SREK1IP1: variants seen among roughly 807,000 people sequenced by gnomAD.
The protein encoded by SREK1IP1 is SREK1 interacting protein 1, also known as protein SREK1IP1.
In SREK1IP1, 12 loss-of-function variants were observed where a neutral mutation model predicts 22.8. The observed-to-expected ratio is 0.53, with a 90% CI of 0.34 to 0.85. SREK1IP1 has a LOEUF of 0.85. Among genes scored for constraint, SREK1IP1 ranks in the 40% least tolerant of loss-of-function variants. The probability of loss-of-function intolerance (pLI) is 0.02; values close to 1 mark genes in which losing one functional copy is unlikely to be tolerated. For synonymous variants in SREK1IP1, 53 were observed against 52.7 expected, an observed-to-expected ratio of 1.01 and a Z score of -0.02; for missense variants, 147 against 171.8, an observed-to-expected ratio of 0.86 and a Z score of 0.81.
intron 2 of SREK1IP1, among the ~76,000 whole-genome samples, chr5:64,743,496 A>G (rs1314495449): frequency 6.6e-6 from 1 of 152,196 alleles, no homozygotes; most frequent in Non-Finnish European, 1.5e-5. Context: ...AAAGGGTTCT[A>G]TATCTGTTTG....
chr5:64,735,707 G>A (rs943892724), intron 3 of SREK1IP1, among the ~76,000 whole-genome samples: 16 of 151,862 alleles, frequency 1.1e-4, no homozygotes, highest in African/African-American at 3.1e-4. Flanking sequence ...TAGTGTTATC[G>A]ATTCTCTCAT....
At chr5:64,755,387 A>C (rs1742821222) in intron 1 of SREK1IP1, among the ~76,000 whole-genome samples, 1 of 152,210 alleles carries the variant, frequency 6.6e-6, no homozygotes, top group African/African-American at 2.4e-5. Context: ...ATAAAAAAGA[A>C]CGAAATTACA....
chr5:64,752,144 G>GGTTTTT (rs1554065460), intron 2 of SREK1IP1, among the ~76,000 whole-genome samples: 2 of 85,446 alleles, frequency 2.3e-5, no homozygotes, highest in Admixed American at 1.3e-4. Flanking sequence ...TTTTTTTTGT[G>GGTTTTT]TGTTTTTTTT....
At chr5:64,728,989 G>C (rs1205786439) in intron 3 of SREK1IP1, among the ~76,000 whole-genome samples, 14 of 152,020 alleles carry the variant, frequency 9.2e-5, no homozygotes. Flanking sequence ...TCAGAAATTC[G>C]AGACTAGGCT....
In SREK1IP1 at chr5:64,763,203, C is replaced by T. The variant is rs113747999; in HGVS notation, c.13+5302G>A. Among the ~76,000 whole-genome samples, 1,293 of 152,200 alleles carry T rather than the reference C, an allele frequency of 8.5e-3. 11 individuals are homozygous for T. Among genetic ancestry groups the T allele is most frequent in the Non-Finnish European group, 0.014 (929 of 68,012 alleles). ...TGTATAAAACTCTTTAGTCTACATG[C>T]CTCACAAAGTACAATTAATCCGTGA... On this transcript the variant is annotated intron_variant, in intron 1 of 4. Coordinates refer to ENST00000513458, the MANE Select transcript of SREK1IP1 (RefSeq NM_173829.4).
rs564638327 is a variant in SREK1IP1 at position 64,740,497 on chromosome 5, G to C, written c.205+560C>G. ...TAAAGAAACTTCTTATGTTAATATT[G>C]ATCACAGTGGGTTATGAAGTAGAAA... is the stretch of plus-strand genomic sequence containing the variant. On this transcript the variant is annotated intron_variant, in intron 3 of 4. Coordinates refer to ENST00000513458, the MANE Select transcript of SREK1IP1 (RefSeq NM_173829.4). Among the ~76,000 whole-genome samples the C allele has an allele frequency of 5.9e-5, 9 of 152,160 alleles. No individual in the cohort carries two copies. The East Asian group carries it at 1.2e-3, about 20-fold the overall frequency.
chr5:64,735,035 T>G (rs1341101657), intron 3 of SREK1IP1, among the ~76,000 whole-genome samples: 1 of 152,088 alleles, frequency 6.6e-6, no homozygotes, highest in Non-Finnish European at 1.5e-5. Context: ...TGATGTAACA[T>G]TTTGGTTTTT....
chr5:64,758,793 G>GA (rs1186622148), intron 1 of SREK1IP1, among the ~76,000 whole-genome samples: 2 of 152,196 alleles, frequency 1.3e-5, no homozygotes, highest in Non-Finnish European at 2.9e-5. Context: ...AACAAACTAT[G>GA]AAACTTTTTC....
intron 2 of SREK1IP1, among the ~76,000 whole-genome samples, chr5:64,746,157 C>T (rs936031710): frequency 1.3e-5 from 2 of 152,152 alleles, no homozygotes; most frequent in African/African-American, 4.8e-5. Context: ...ACAGAGACAA[C>T]TTTTCCACAT....
In SREK1IP1 at chr5:64,720,115, T is replaced by G. The variant is rs1232730625; in HGVS notation, c.*4269A>C. ...GGGGCCTTATTAAATTACAGCACATTTTGTACACTGAAAAATATTCTAAAT... is the reference window on the plus strand; with the variant it reads ...GGGGCCTTATTAAATTACAGCACATGTTGTACACTGAAAAATATTCTAAAT... On this transcript the variant is annotated 3_prime_UTR_variant, in exon 5 of 5. Transcript: ENST00000513458. 1 of 152,210 alleles carries G rather than the reference T, an allele frequency of 6.6e-6. No homozygotes were observed. The highest frequency in any genetic ancestry group is 6.5e-5 in the Admixed American group (1 of 15,274). The allele number at this position is 152,210 out of a possible 1,614,324, so 9.4% of individuals were successfully genotyped here. A position where few individuals can be genotyped will look rare whatever the true frequency, so the allele number is the denominator to read the frequency against.
intron 3 of SREK1IP1, among the ~76,000 whole-genome samples, chr5:64,737,776 ATATAAC>A (rs1742490643): frequency 6.6e-6 from 1 of 152,258 alleles, no homozygotes; most frequent in Middle Eastern, 3.4e-3. Context: ...TTATATAAAT[ATATAAC>A]TATATAAGAG....
intron 1 of SREK1IP1, among the ~76,000 whole-genome samples, chr5:64,756,079 A>G (rs908759180): frequency 4.6e-5 from 7 of 152,202 alleles, no homozygotes; most frequent in African/African-American, 1.7e-4. Context: ...GTAATCCTGT[A>G]TAATTAGTAG....
intron 1 of SREK1IP1, among the ~76,000 whole-genome samples, chr5:64,756,672 C>A (rs1330590673): frequency 2.6e-5 from 4 of 151,840 alleles, no homozygotes; most frequent in Non-Finnish European, 4.4e-5. Context: ...GTCACCCATG[C>A]TGGAGTGCAG....
At chr5:64,763,801 G>A (rs945403163) in intron 1 of SREK1IP1, among the ~76,000 whole-genome samples, 1 of 152,180 alleles carries the variant, frequency 6.6e-6, no homozygotes, top group East Asian at 1.9e-4. Context: ...TTCTGGCTTT[G>A]CTGGGCCACA....
chr5:64,728,548 T>C (rs1447377265), intron 3 of SREK1IP1, among the ~76,000 whole-genome samples: 2 of 152,210 alleles, frequency 1.3e-5, no homozygotes, highest in South Asian at 4.1e-4. Flanking sequence ...TCATGCAATA[T>C]GTATTATTCT....
rs1341083243 is a variant in SREK1IP1, at chr5:64,723,338, A to T, written c.*1046T>A. ...CTCTTGAGTTTGCCACTAAAGTAAAAGAGAGAAACATCCCAAACTGGTCAT... is the reference window on the plus strand; with the variant it reads ...CTCTTGAGTTTGCCACTAAAGTAAATGAGAGAAACATCCCAAACTGGTCAT... On this transcript the variant is annotated 3_prime_UTR_variant, in exon 5 of 5. Transcript: ENST00000513458. The T allele has an allele frequency of 6.6e-6, 1 of 151,996 alleles. No individual in the cohort carries two copies. The highest frequency in any genetic ancestry group is 2.4e-5 in the African/African-American group (1 of 41,236). 9.4% of individuals were successfully genotyped at this position (151,996 alleles called of 1,614,324 possible). A position where few individuals can be genotyped will look rare whatever the true frequency, so the allele number is the denominator to read the frequency against.
chr5:64,758,021 C>T (rs188741528), intron 1 of SREK1IP1, among the ~76,000 whole-genome samples: 3 of 151,042 alleles, frequency 2.0e-5, no homozygotes, highest in East Asian at 1.9e-4. Context: ...TACAGGCGCC[C>T]GCCACCACGC....
chr5:64,766,384 C>A (rs1424984639), intron 1 of SREK1IP1, among the ~76,000 whole-genome samples: 1 of 152,044 alleles, frequency 6.6e-6, no homozygotes, highest in Non-Finnish European at 1.5e-5. Context: ...TTTTACCTAC[C>A]CACACTGAAT....
At chr5:64,738,646 T>A (rs75586163) in intron 3 of SREK1IP1, among the ~76,000 whole-genome samples, 1 of 152,018 alleles carries the variant, frequency 6.6e-6, no homozygotes, top group African/African-American at 2.4e-5. Context: ...CATAGACCAA[T>A]GTAACAGAAT....
Sources: gnomAD v4.1 joint callset for allele counts (sites outside exome capture counted in the v4.1 genomes callset) on GRCh38, gnomAD v4.1.1 for gene constraint, MANE v1.5 for transcripts, NCBI Gene and HGNC (gene_info 2026-07-23, HGNC 2026-07-21) for gene names.